DYNAP: variants seen among roughly 807,000 people sequenced by gnomAD.
The protein encoded by DYNAP is dynactin associated protein, also known as dynactin-associated protein.
A neutral mutation model predicts 8.5 loss-of-function variants in DYNAP; 7 were observed. That is an observed-to-expected ratio of 0.82 (90% confidence interval 0.47 to 1.54). The LOEUF (loss-of-function observed/expected upper bound fraction) is 1.54. DYNAP is among the 40% of genes most tolerant of loss of function. The pLI is 0.01. For synonymous variants in DYNAP, 77 were observed against 77.9 expected, an observed-to-expected ratio of 0.99 and a Z score of 0.06; for missense variants, 256 against 224.3, an observed-to-expected ratio of 1.14 and a Z score of -0.90.
At position 54,598,056 on chromosome 18, in the gene DYNAP, A is replaced by G. The variant is rs1911384574; in HGVS notation, c.466A>G (p.Ser156Gly). 3 of 1,612,816 alleles carry G rather than the reference A, an allele frequency of 1.9e-6. No individual in the cohort carries two copies. Among genetic ancestry groups the G allele is most frequent in the Non-Finnish European group, 2.5e-6 (3 of 1,179,386 alleles). The change falls in exon 3 of 3, where the codon AGT becomes GGT. Residue 156 changes from serine (S) to glycine (G), a missense_variant. Coordinates refer to ENST00000648945, the MANE Select transcript of DYNAP (RefSeq NM_173629.3). ...TMTTTSTVPA[S>G]TATESTTSTA... is the part of the protein sequence containing the mutation. ...GACCACCACTTCAACTGTACCTGCA[A>G]GTACAGCCACTGAATCTACAACTTC...
Position 54,594,925 on chromosome 18 carries a change from C to T in DYNAP, c.58-14C>T. ...TTCCTAGGCTTCCTACTCACTTCCA[C>T]TCTGCCTTTGTAGCCAATCACACAT... On this transcript the variant is annotated splice_polypyrimidine_tract_variant and intron_variant, in intron 1 of 2. Transcript: ENST00000648945. 2 of 1,605,892 alleles carry T rather than the reference C, an allele frequency of 1.2e-6. No homozygotes were observed. Among genetic ancestry groups the T allele is most frequent in the Non-Finnish European group, 8.5e-7 (1 of 1,175,882 alleles).
At chr18:54,593,704 T>C (rs896895602) in intron 1 of DYNAP, among the ~76,000 whole-genome samples, 4 of 151,352 alleles carry the variant, frequency 2.6e-5, no homozygotes, top group African/African-American at 9.8e-5. Context: ...GCCAGAGGAG[T>C]GCTTGAGCCC....
upstream of DYNAP, among the ~76,000 whole-genome samples, chr18:54,588,119 C>T (rs1007733228): frequency 1.3e-5 from 2 of 152,068 alleles, no homozygotes; most frequent in Admixed American, 1.3e-4. Context: ...AAGCAGAGGT[C>T]TTGTCTGTCT....
intron 1 of DYNAP, among the ~76,000 whole-genome samples, chr18:54,592,934 TA>T (rs1911138334): frequency 6.6e-6 from 1 of 152,130 alleles, no homozygotes; most frequent in Non-Finnish European, 1.5e-5. Flanking sequence ...GCAAAGGCAT[TA>T]AAATGTTCAG....
chr18:54,591,839 T>A (rs1276595188), intron 1 of DYNAP, among the ~76,000 whole-genome samples: 1 of 152,108 alleles, frequency 6.6e-6, no homozygotes, highest in Non-Finnish European at 1.5e-5. Flanking sequence ...GTCTGCTTTT[T>A]AAAAAATATT....
At chr18:54,578,170 A>G in the DYNAP span, among the ~76,000 whole-genome samples, 1 of 152,154 alleles carries the variant, frequency 6.6e-6, no homozygotes, top group African/African-American at 2.4e-5. Context: ...AACTTCATCT[A>G]CTTCAGAATC....
chr18:54,597,568 G>GA (rs1253519645), intron 2 of DYNAP, among the ~76,000 whole-genome samples: 1 of 151,924 alleles, frequency 6.6e-6, no homozygotes, highest in Non-Finnish European at 1.5e-5. Flanking sequence ...CTGTTAAAAA[G>GA]AAAAAAGACA....
At chr18:54,595,687 T>C (rs2144890952) in intron 2 of DYNAP, among the ~76,000 whole-genome samples, 2 of 152,252 alleles carry the variant, frequency 1.3e-5, no homozygotes, top group East Asian at 1.9e-4. Context: ...CCTGACCTCA[T>C]GTCCTGTAGG....
upstream of DYNAP, among the ~76,000 whole-genome samples, chr18:54,590,018 C>G (rs1030024280): frequency 1.3e-5 from 2 of 152,092 alleles, no homozygotes; most frequent in African/African-American, 4.8e-5. Context: ...ACATATAACA[C>G]AAAGTTCATT....
chr18:54,594,663 A>G (rs1267522831), intron 1 of DYNAP, among the ~76,000 whole-genome samples: 1 of 152,150 alleles, frequency 6.6e-6, no homozygotes, highest in Non-Finnish European at 1.5e-5. Context: ...TGCTCCACAT[A>G]CAGCAGCTTG....
chr18:54,581,866 T>G, the DYNAP span, among the ~76,000 whole-genome samples: 1 of 152,214 alleles, frequency 6.6e-6, no homozygotes, highest in East Asian at 1.9e-4. Context: ...TCCACTTAGC[T>G]CCACAAGAAT....
rs1359638797 is a variant in DYNAP at position 54,598,115 on chromosome 18, T to C, written c.525T>C (p.Pro175=). ...CAGCTGCCACCACTTCCACAGAACC[T>C]ATAACTGTTGCACCTACCGATCATT... ...TATAATTSTE[P]ITVAPTDHL is the part of the protein sequence containing the mutation. Residue 175 remains proline, a synonymous_variant, in exon 3 of 3, where the codon CCT becomes CCC. Transcript: ENST00000648945. The C allele has an allele frequency of 6.2e-7, 1 of 1,612,764 alleles. No individual in the cohort carries two copies. Among genetic ancestry groups the C allele is most frequent in the South Asian group, 1.1e-5 (1 of 90,928 alleles).
chr18:54,593,710 A>T (rs889837900), intron 1 of DYNAP, among the ~76,000 whole-genome samples: 1 of 151,560 alleles, frequency 6.6e-6, no homozygotes, highest in African/African-American at 2.4e-5. Context: ...GGAGTGCTTG[A>T]GCCCAGGAGA....
chr18:54,582,729 A>G, the DYNAP span, among the ~76,000 whole-genome samples: 24 of 152,234 alleles, frequency 1.6e-4, no homozygotes. Context: ...ACTCGGATCA[A>G]TCCTGCCTCC....
At chr18:54,592,649 G>A (rs1158944646) in intron 1 of DYNAP, among the ~76,000 whole-genome samples, 2 of 152,070 alleles carry the variant, frequency 1.3e-5, no homozygotes, top group African/African-American at 4.8e-5. Context: ...GTTGCCTGTG[G>A]CCATTATTAG....
chr18:54,597,812 G>C lies in DYNAP; in HGVS notation c.223-1G>C. The C allele has an allele frequency of 6.2e-7, 1 of 1,601,134 alleles. No individual in the cohort carries two copies. The highest frequency in any genetic ancestry group is 1.7e-4 in the Middle Eastern group (1 of 5,986). On this transcript the variant is annotated splice_acceptor_variant, in intron 2 of 2. Transcript: ENST00000648945. LOFTEE classifies it high-confidence loss of function. ...GCTGATATTTTTATATACATGCTTA[G>C]GTAAAAGAATATTGCCGCAATGACT...
At chr18:54,582,052 C>T in the DYNAP span, among the ~76,000 whole-genome samples, 126 of 152,254 alleles carry the variant, frequency 8.3e-4, 1 homozygote, top group East Asian at 4.2e-3. Flanking sequence ...TTTGGTAAGC[C>T]GAGGCGGGAG....
Position 54,597,912 on chromosome 18 carries a change from T to A in DYNAP, c.322T>A (p.Cys108Ser), listed in dbSNP as rs760694667. ...GACAGCAATTGGAGTACTTATAATA[T>A]GCTTGGTGAATAACAAAGGATCGGC... ...IMTAIGVLIICLVNNKGSANS... is the reference protein window; with the variant it reads ...IMTAIGVLIISLVNNKGSANS... Residue 108 changes from cysteine (C) to serine (S), a missense_variant, in exon 3 of 3, where the codon TGC becomes AGC. By Grantham distance (112) the Cys-to-Ser change is moderately radical. Transcript: ENST00000648945. 8.1e-6 allele frequency: 13 copies of A among 1,613,558 alleles called. No individual in the cohort carries two copies. The African/African-American group carries it at 1.7e-4, about 22-fold the overall frequency.
chr18:54,594,744 T>G (rs1911213467), intron 1 of DYNAP, among the ~76,000 whole-genome samples, 195 bp from the exon 2 acceptor site: 1 of 152,126 alleles, frequency 6.6e-6, no homozygotes, highest in Admixed American at 6.6e-5. Context: ...AACTAGAACT[T>G]TAGTAGCCTA....
Sources: gnomAD v4.1 joint callset for allele counts (sites outside exome capture counted in the v4.1 genomes callset) on GRCh38, gnomAD v4.1.1 for gene constraint, MANE v1.5 for transcripts, NCBI Gene and HGNC (gene_info 2026-07-23, HGNC 2026-07-21) for gene names.